PRAG1: variants seen among roughly 807,000 people sequenced by gnomAD.
The protein encoded by PRAG1 is PEAK1 related, kinase-activating pseudokinase 1.
PRAG1 carries 110 observed loss-of-function variants against 95.6 expected under a neutral mutation model. That is an observed-to-expected ratio of 1.15 (90% CI 0.99 to 1.35). PRAG1 has a LOEUF of 1.35. PRAG1 is among the 40% of genes most tolerant of loss of function. The probability of loss-of-function intolerance (pLI) is 0.00; values close to 1 mark genes in which losing one functional copy is unlikely to be tolerated. For missense variants in PRAG1, 2,554 were observed against 1,864.7 expected (o/e 1.37, Z -6.81); for synonymous variants, 1,052 against 819.4 (o/e 1.28, Z -4.85).
intron 3 of PRAG1, among the ~76,000 whole-genome samples, chr8:8,363,555 C>G (rs1799912331): frequency 6.6e-6 from 1 of 152,050 alleles, no homozygotes; most frequent in African/African-American, 2.4e-5. Flanking sequence ...TTCCCAGAGG[C>G]TAAGGGAAGG....
chr8:8,333,048 C>T (rs559293378), intron 4 of PRAG1, among the ~76,000 whole-genome samples: 4 of 152,220 alleles, frequency 2.6e-5, no homozygotes, highest in Admixed American at 6.5e-5. Flanking sequence ...AGCCAACAGC[C>T]AATATTCTCC....
At chr8:8,350,081 T>C (rs533727591) in intron 3 of PRAG1, among the ~76,000 whole-genome samples, 66 of 152,292 alleles carry the variant, frequency 4.3e-4, no homozygotes, top group Middle Eastern at 3.4e-3. Context: ...TATACAGATA[T>C]ACTTTAGCAT....
chr8:8,362,708 C>T (rs1021519733), intron 3 of PRAG1, among the ~76,000 whole-genome samples: 12 of 152,226 alleles, frequency 7.9e-5, no homozygotes, highest in Non-Finnish European at 1.8e-4. Context: ...AAGGGTACTG[C>T]CCATCAGCAA....
chr8:8,325,966 C>T (rs1335714011), intron 5 of PRAG1, among the ~76,000 whole-genome samples: 1 of 150,948 alleles, frequency 6.6e-6, no homozygotes, highest in African/African-American at 2.4e-5. Context: ...CCAAGGGCCC[C>T]TTACTTCTTG....
At chr8:8,319,975 C>T (rs552186800) in intron 5 of PRAG1, among the ~76,000 whole-genome samples, 1 of 152,336 alleles carries the variant, frequency 6.6e-6, no homozygotes, top group African/African-American at 2.4e-5. Flanking sequence ...TGGGAAACCT[C>T]AGACATTGCT....
intron 4 of PRAG1, among the ~76,000 whole-genome samples, chr8:8,329,984 GGA>G (rs1563229749): frequency 1.3e-5 from 2 of 152,180 alleles, no homozygotes; most frequent in African/African-American, 4.8e-5. Flanking sequence ...GAGAACCAAT[GGA>G]TTCATGCAAA....
Position 8,377,819 on chromosome 8 carries a change from T to C in PRAG1, c.590A>G (p.Tyr197Cys), listed in dbSNP as rs1394426260. The stretch of plus-strand genomic sequence containing the variant: ...CTCCTGGGTGGAGGGCCGGTCTTGG[T>C]AAGGAAATGAGGGTTTTTCTTTGTG... Reference protein sequence around the residue: ...AVHKEKPSFPYQDRPSTQESF... With the variant: ...AVHKEKPSFPCQDRPSTQESF... Residue 197 changes from tyrosine (Y) to cysteine (C), a missense_variant, in exon 3 of 6, where the codon TAC (tyrosine) becomes TGC (cysteine). Transcript: ENST00000615670. The C allele has an allele frequency of 6.2e-7, 1 of 1,614,060 alleles. No individual in the cohort carries two copies. Among genetic ancestry groups the C allele is most frequent in the African/African-American group, 1.3e-5 (1 of 75,030 alleles).
At position 8,318,807 on chromosome 8, in the gene PRAG1, C is replaced by A; in HGVS notation, c.3568G>T (p.Gly1190Cys). The A allele has an allele frequency of 6.9e-7, 1 of 1,453,922 alleles. No individual in the cohort carries two copies. Among genetic ancestry groups the A allele is most frequent in the Non-Finnish European group, 9.1e-7 (1 of 1,100,572 alleles). The allele number at this position is 1,453,922 out of a possible 1,614,324, so 90.1% of individuals were successfully genotyped here. Reference sequence around the variant, plus strand: ...GGGCCGGCTGCGGGGCTGAGAGTGCCACCAGCAGGCGGGGCGGCAGAGGAG... The same window carrying A: ...GGGCCGGCTGCGGGGCTGAGAGTGCAACCAGCAGGCGGGGCGGCAGAGGAG... ...PCSSAAPPAG[G>C]TLSPAAGPAS... Residue 1190 changes from glycine (G) to cysteine (C), a missense_variant, in exon 6 of 6, where the codon GGC becomes TGC. Physicochemically the swap from Gly to Cys is radical, Grantham distance 159. Coordinates refer to ENST00000615670, the MANE Select transcript of PRAG1 (RefSeq NM_001080826.3). The surrounding 1 kb of genome is among the most constrained non-coding windows in gnomAD (Gnocchi z 4.2).
At chr8:8,368,412 A>G (rs1254036088) in intron 3 of PRAG1, among the ~76,000 whole-genome samples, 3 of 152,240 alleles carry the variant, frequency 2.0e-5, no homozygotes, top group African/African-American at 4.8e-5. Context: ...GGCTCTGCCC[A>G]AAAGTCAATA....
intron 3 of PRAG1, among the ~76,000 whole-genome samples, chr8:8,352,269 T>C (rs1274603557): frequency 2.0e-5 from 3 of 152,142 alleles, no homozygotes; most frequent in African/African-American, 7.2e-5. Flanking sequence ...CCTGATCAAT[T>C]CTTCACTCTC....
At chr8:8,378,527 C>T (rs893503775) in intron 2 of PRAG1, among the ~76,000 whole-genome samples, 1 of 152,054 alleles carries the variant, frequency 6.6e-6, no homozygotes, top group Admixed American at 6.6e-5. Context: ...ACAGTGCATG[C>T]CTGAAGAAAT....
chr8:8,379,962 C>G (rs949251822), intron 2 of PRAG1, among the ~76,000 whole-genome samples: 1 of 152,136 alleles, frequency 6.6e-6, no homozygotes, highest in Non-Finnish European at 1.5e-5. Flanking sequence ...AGTGTGGGGC[C>G]AGGCATGGTG....
At chr8:8,384,961 A>G (rs976501145) in intron 1 of PRAG1, among the ~76,000 whole-genome samples, 1 of 152,220 alleles carries the variant, frequency 6.6e-6, no homozygotes, top group Admixed American at 6.5e-5. Context: ...TTGTGGCTAC[A>G]GTTTGCAAGA....
At chr8:8,367,702 C>T (rs563074845) in intron 3 of PRAG1, among the ~76,000 whole-genome samples, 9 of 151,926 alleles carry the variant, frequency 5.9e-5, no homozygotes, top group Middle Eastern at 6.8e-3. Context: ...AGTGCAGTGG[C>T]GTGATCTCAG....
chr8:8,339,541 C>G lies in PRAG1; in HGVS notation c.2257G>C (p.Val753Leu). 1 of 1,614,158 alleles carries G rather than the reference C, an allele frequency of 6.2e-7. No homozygotes were observed. ...SLSPSFRGVH[V>L]SFTTGSTDSL... ...TCCGTGGAGCCGGTGGTGAAGCTGA[C>G]GTGGACACCCCTGAAGGATGGGCTG... Residue 753 changes from valine to leucine, a missense_variant, in exon 4 of 6, where the codon GTC becomes CTC. Coordinates refer to ENST00000615670, the MANE Select transcript of PRAG1 (RefSeq NM_001080826.3).
Position 8,318,126 on chromosome 8 carries a change from G to A in PRAG1, c.*28C>T. 2 of 1,584,624 alleles carry A rather than the reference G, an allele frequency of 1.3e-6. No individual in the cohort carries two copies. The highest frequency in any genetic ancestry group is 8.6e-7 in the Non-Finnish European group (1 of 1,165,060). On this transcript the variant is annotated 3_prime_UTR_variant, in exon 6 of 6. Transcript: ENST00000615670. The surrounding 1 kb of genome is among the most constrained non-coding windows in gnomAD (Gnocchi z 4.2). Reference sequence around the variant, plus strand: ...CAGGAAAGGGTTAGGCAGGGAAGGGGCAGCGACGGTGCAGGCTGGGGCTTG... The same window carrying A: ...CAGGAAAGGGTTAGGCAGGGAAGGGACAGCGACGGTGCAGGCTGGGGCTTG...
At chr8:8,363,855 A>ATACTTAATATTCTCTTAT (rs1799921799) in intron 3 of PRAG1, among the ~76,000 whole-genome samples, 1 of 152,200 alleles carries the variant, frequency 6.6e-6, no homozygotes, top group East Asian at 1.9e-4. Flanking sequence ...ATATTGTGCT[A>ATACTTAATATTCTCTTAT]TAGATTTCAT....
Position 8,318,747 on chromosome 8 carries a change from G to T in PRAG1, c.3628C>A (p.Pro1210Thr), listed in dbSNP as rs759611509. 5.6e-6 allele frequency: 9 copies of T among 1,600,234 alleles called. No individual in the cohort carries two copies. Among genetic ancestry groups the T allele is most frequent in the Non-Finnish European group, 7.7e-6 (9 of 1,173,456 alleles). The change falls in exon 6 of 6, where the codon CCC (proline) becomes ACC (threonine). Residue 1210 changes from proline (P) to threonine (T), a missense_variant. Coordinates refer to ENST00000615670, the MANE Select transcript of PRAG1 (RefSeq NM_001080826.3). This position sits in a 1 kb window ranked among gnomAD's most constrained non-coding sequence, Gnocchi z 4.2. ...AAAAAGTTGCTGATGATGAGCCGGG[G>T]CAGCTGCTTCTCCCGGGGCCCTTCC... ...SPEGPREKQL[P>T]RLIISNFLKA...
intron 3 of PRAG1, among the ~76,000 whole-genome samples, chr8:8,375,575 C>G (rs1432884907): frequency 3.3e-5 from 5 of 152,142 alleles, no homozygotes; most frequent in Admixed American, 2.6e-4. Context: ...GCTTTTGGCC[C>G]CAAGACCTAA....
Sources: gnomAD v4.1 joint callset for allele counts (sites outside exome capture counted in the v4.1 genomes callset) on GRCh38, gnomAD v4.1.1 for gene constraint, Gnocchi (gnomAD v3.1) non-coding constraint, MANE v1.5 for transcripts, NCBI Gene and HGNC (gene_info 2026-07-23, HGNC 2026-07-21) for gene names.